Variants in MYLK observed in about 807,000 individuals in gnomAD.
The protein encoded by MYLK is myosin light chain kinase.
In MYLK, 106 loss-of-function variants were observed where a neutral mutation model predicts 203.4. The observed-to-expected ratio is 0.52, with a 90% CI of 0.45 to 0.61. The LOEUF (loss-of-function observed/expected upper bound fraction) is 0.61, where lower values mean the gene tolerates loss of function less well. Ranked by LOEUF, MYLK falls within the 20% of genes least tolerant of loss-of-function variation. The pLI, the probability that MYLK is intolerant of heterozygous loss-of-function variation, is 0.00. For missense variants in MYLK, 2,072 were observed against 2,442.3 expected, an observed-to-expected ratio of 0.85 and a Z score of 3.20; for synonymous variants, 867 against 959.5, an observed-to-expected ratio of 0.90 and a Z score of 1.78.
chr3:123,739,652 G>A (rs533666644), intron 6 of MYLK, among the ~76,000 whole-genome samples: 8 of 152,316 alleles, frequency 5.3e-5, no homozygotes, highest in East Asian at 1.9e-4. Flanking sequence ...ACTGTTACCC[G>A]CCTCTTCTAG....
chr3:123,737,296 T>G (rs1576793631), intron 8 of MYLK, 82 bp downstream of exon 8: 6 of 1,566,752 alleles, frequency 3.8e-6, no homozygotes, highest in Non-Finnish European at 5.3e-6. Context: ...CACACACAGG[T>G]GCGCAGTGAA....
intron 20 of MYLK, among the ~76,000 whole-genome samples, chr3:123,673,980 T>G (rs1275763373): frequency 1.3e-5 from 2 of 152,138 alleles, no homozygotes; most frequent in African/African-American, 4.8e-5. Context: ...CGGGGTACTG[T>G]GCTCATCGCT....
chr3:123,649,306 G>T, intron 24 of MYLK, 112 bp from the exon 25 acceptor site: 1 of 1,383,260 alleles, frequency 7.2e-7, no homozygotes, highest in Non-Finnish European at 1.0e-6. Context: ...CCAGGCAGAC[G>T]ACTACCAGGT....
intron 4 of MYLK, among the ~76,000 whole-genome samples, chr3:123,784,576 C>T (rs1401375741): frequency 1.3e-5 from 2 of 151,986 alleles, no homozygotes; most frequent in African/African-American, 4.8e-5. Context: ...CCTCTACTTT[C>T]GGCTTGCCAA....
At chr3:123,755,646 G>C (rs2108897386) in intron 4 of MYLK, among the ~76,000 whole-genome samples, 1 of 152,218 alleles carries the variant, frequency 6.6e-6, no homozygotes, top group African/African-American at 2.4e-5. Context: ...ACCTCTGGGT[G>C]GTGAAGGAAT....
rs1158621539 is a variant in MYLK, at chr3:123,610,464, G to T, written c.*3641C>A. On this transcript the variant is annotated 3_prime_UTR_variant, in exon 34 of 34. Coordinates refer to ENST00000360304, the MANE Select transcript of MYLK (RefSeq NM_053025.4). ...GGCTGCAGCAGCCACCATCTCATGT[G>T]TTGCCCGTCATTATGGAGAGGCTTG... is the stretch of plus-strand genomic sequence containing the variant. 6.6e-6 allele frequency: 1 copy of T among 152,182 alleles called. No homozygotes were observed. The highest frequency in any genetic ancestry group is 2.4e-5 in the African/African-American group (1 of 41,430). 9.4% of individuals were successfully genotyped at this position (152,182 alleles called of 1,614,324 possible).
At chr3:123,853,844 T>C (rs2031093430) in intron 2 of MYLK, among the ~76,000 whole-genome samples, 2 of 152,144 alleles carry the variant, frequency 1.3e-5, no homozygotes, top group South Asian at 4.1e-4. Context: ...ATAAATTATT[T>C]TACTTCTGTC....
In MYLK at chr3:123,613,082, T is replaced by C. The variant is rs2057289975; in HGVS notation, c.*1023A>G. ...ATGGAACCCATAAGGTAGGTCAAGT[T>C]CTTTGGAGAGTGTTGAGAATGAAGA... On this transcript the variant is annotated 3_prime_UTR_variant, in exon 34 of 34. Coordinates refer to ENST00000360304, the MANE Select transcript of MYLK (RefSeq NM_053025.4). The C allele has an allele frequency of 6.6e-6, 1 of 152,406 alleles. No individual in the cohort carries two copies. Among genetic ancestry groups the C allele is most frequent in the Non-Finnish European group, 1.5e-5 (1 of 68,042 alleles). 9.4% of individuals were successfully genotyped at this position (152,406 alleles called of 1,614,324 possible). A position where few individuals can be genotyped will look rare whatever the true frequency, so the allele number is the denominator to read the frequency against.
Position 123,858,648 on chromosome 3 carries a change from T to C in MYLK, c.-127+17911A>G, listed in dbSNP as rs76394131. On this transcript the variant is annotated intron_variant, in intron 2 of 33. Coordinates refer to ENST00000360304, the MANE Select transcript of MYLK (RefSeq NM_053025.4). The stretch of plus-strand genomic sequence containing the variant: ...CCATTAATCCATTAACACATTAATC[T>C]GTGAATGGATTAATCTATTCATTAA... Among the ~76,000 whole-genome samples the C allele has an allele frequency of 6.5e-3, 997 of 152,244 alleles. 9 individuals carry two copies. Among genetic ancestry groups the C allele is most frequent in the African/African-American group, 0.02 (841 of 41,544 alleles).
intron 20 of MYLK, among the ~76,000 whole-genome samples, chr3:123,679,198 T>C (rs774375689): frequency 6.7e-6 from 1 of 150,116 alleles, no homozygotes; most frequent in Non-Finnish European, 1.5e-5. Context: ...TCCCAGCTAC[T>C]AGGCAGGCTG....
At chr3:123,845,117 C>T (rs1226000172) in intron 2 of MYLK, among the ~76,000 whole-genome samples, 4 of 152,180 alleles carry the variant, frequency 2.6e-5, no homozygotes, top group African/African-American at 9.7e-5. Flanking sequence ...AGGAAGCAAA[C>T]TTCTGGGTTC....
chr3:123,690,883 A>G (rs1307335043), intron 19 of MYLK, among the ~76,000 whole-genome samples: 1 of 152,158 alleles, frequency 6.6e-6, no homozygotes, highest in Non-Finnish European at 1.5e-5. Context: ...GGTCATCAAG[A>G]TTAGTGGAGA....
intron 11 of MYLK, among the ~76,000 whole-genome samples, chr3:123,728,977 C>T (rs979365962): frequency 2.0e-5 from 3 of 152,118 alleles, no homozygotes; most frequent in Admixed American, 6.6e-5. Flanking sequence ...TCGGAGCTAA[C>T]AAGAGCCTGA....
At chr3:123,616,068 T>C (rs2057475660) in intron 33 of MYLK, among the ~76,000 whole-genome samples, 1 of 152,232 alleles carries the variant, frequency 6.6e-6, no homozygotes. Flanking sequence ...AATTGGATTG[T>C]GGTATAAATT....
intron 4 of MYLK, among the ~76,000 whole-genome samples, chr3:123,787,014 A>T: frequency 6.6e-6 from 1 of 152,354 alleles, no homozygotes; most frequent in East Asian, 1.9e-4. Context: ...CATTTAAATC[A>T]TGCTTTTCTT....
At chr3:123,715,320 C>A (rs1022159005) in intron 13 of MYLK, among the ~76,000 whole-genome samples, 2 of 152,198 alleles carry the variant, frequency 1.3e-5, no homozygotes, top group African/African-American at 4.8e-5. Flanking sequence ...CTGCTGATCA[C>A]CTGGACTACT....
intron 27 of MYLK, among the ~76,000 whole-genome samples, chr3:123,643,006 GA>G (rs2108135724): frequency 6.6e-6 from 1 of 152,296 alleles, no homozygotes; most frequent in Admixed American, 6.5e-5. Flanking sequence ...ACAAGTTTGA[GA>G]AATACTGGCT....
intron 2 of MYLK, among the ~76,000 whole-genome samples, chr3:123,851,439 C>A (rs986467542): frequency 6.6e-6 from 1 of 152,166 alleles, no homozygotes. Flanking sequence ...GTTTGTAGTT[C>A]TCCTTGAAGA....
intron 27 of MYLK, among the ~76,000 whole-genome samples, chr3:123,644,256 T>C (rs983181022): frequency 4.6e-5 from 7 of 152,126 alleles, no homozygotes; most frequent in Admixed American, 4.6e-4. Flanking sequence ...AGTGGTCAAG[T>C]CTTAGAGTGT....
Sources: allele counts gnomAD v4.1 joint callset (sites outside exome capture counted in the v4.1 genomes callset), GRCh38; gene constraint gnomAD v4.1.1; transcripts MANE v1.5; gene names NCBI Gene and HGNC (gene_info 2026-07-23, HGNC 2026-07-21).